FNIP1: variants seen among roughly 807,000 people sequenced by gnomAD.
FNIP1 encodes folliculin-interacting protein 1.
A neutral mutation model predicts 124.5 loss-of-function variants in FNIP1; 40 were observed. The ratio of observed to expected loss-of-function variants is 0.32; its 90% confidence interval spans 0.25 to 0.42. The LOEUF is 0.42. Among genes scored for constraint, FNIP1 ranks in the 10% least tolerant of loss-of-function variants. The pLI, the probability that FNIP1 is intolerant of heterozygous loss-of-function variation, is 1.00. For synonymous variants in FNIP1, 472 were observed against 470.6 expected (o/e 1.00, Z -0.04); for missense variants, 1,176 against 1,403.7 (o/e 0.84, Z 2.59).
intron 15 of FNIP1, among the ~76,000 whole-genome samples, chr5:131,660,948 A>G (rs1420062859): frequency 1.3e-5 from 2 of 151,910 alleles, no homozygotes; most frequent in Non-Finnish European, 1.5e-5. Context: ...TGTTCCTGTA[A>G]AGACATCTCT....
chr5:131,691,010 T>C (rs750653240), intron 11 of FNIP1, among the ~76,000 whole-genome samples: 2 of 152,212 alleles, frequency 1.3e-5, no homozygotes, highest in Admixed American at 6.5e-5. Flanking sequence ...CAACTGAATC[T>C]AATTAACATT....
chr5:131,720,518 C>T (rs1219561336), intron 3 of FNIP1, among the ~76,000 whole-genome samples: 2 of 152,028 alleles, frequency 1.3e-5, no homozygotes. Flanking sequence ...TAAAATGTTT[C>T]TGCACAGCAA....
At chr5:131,775,045 C>A (rs921488644) in intron 1 of FNIP1, among the ~76,000 whole-genome samples, 3 of 152,158 alleles carry the variant, frequency 2.0e-5, no homozygotes, top group Admixed American at 6.6e-5. Context: ...TGGATTTGAT[C>A]CAAGCAAGTT....
At chr5:131,775,458 T>C (rs1262867852) in intron 1 of FNIP1, among the ~76,000 whole-genome samples, 2 of 56,756 alleles carry the variant, frequency 3.5e-5, no homozygotes, top group African/African-American at 7.4e-5. Flanking sequence ...AAATAAAATA[T>C]GTATCATCTA....
chr5:131,766,982 G>C (rs141327214), intron 1 of FNIP1, among the ~76,000 whole-genome samples: 2 of 152,154 alleles, frequency 1.3e-5, no homozygotes, highest in East Asian at 3.9e-4. Context: ...ATCTCCTCGG[G>C]AAACACTCTT....
At position 131,730,882 on chromosome 5, in the gene FNIP1, TAAATG is replaced by T; in HGVS notation, c.354+17_354+21del. The T allele has an allele frequency of 6.4e-7, 1 of 1,567,252 alleles. No individual in the cohort carries two copies. The highest frequency in any genetic ancestry group is 8.7e-7 in the Non-Finnish European group (1 of 1,153,944). ...AACTAATTATAAATGAATGAATAAA[TAAATG>T]ACATCAATGATCTTACCTGGTACTT... On this transcript the variant is annotated intron_variant, in intron 3 of 17. Coordinates refer to ENST00000510461, the MANE Select transcript of FNIP1 (RefSeq NM_133372.3).
At chr5:131,699,450 A>G (rs976002145) in intron 10 of FNIP1, among the ~76,000 whole-genome samples, 8 of 149,896 alleles carry the variant, frequency 5.3e-5, no homozygotes, top group African/African-American at 2.0e-4. Context: ...CTGGAGTGCA[A>G]TGGCGCGATC....
At chr5:131,650,663 A>T (rs1240757065) in intron 16 of FNIP1, among the ~76,000 whole-genome samples, 1 of 152,216 alleles carries the variant, frequency 6.6e-6, no homozygotes, top group East Asian at 1.9e-4. Context: ...GTTGAACAGA[A>T]GTAGGGAAAG....
chr5:131,786,532 T>A (rs560416459), intron 1 of FNIP1, among the ~76,000 whole-genome samples: 1 of 152,236 alleles, frequency 6.6e-6, no homozygotes, highest in East Asian at 1.9e-4. Context: ...CAAACTAAAA[T>A]GAAGGCTGGA....
Position 131,672,790 on chromosome 5 carries a change from G to A in FNIP1, c.1654C>T (p.His552Tyr). 1 of 1,613,676 alleles carries A rather than the reference G, an allele frequency of 6.2e-7. No individual in the cohort carries two copies. Among genetic ancestry groups the A allele is most frequent in the Non-Finnish European group, 8.5e-7 (1 of 1,179,912 alleles). The part of the protein sequence containing the change: ...FIRCSELQET[H>Y]LLENGEDEAI... ...TCATCTTCTCCATTTTCTAAAAGAT[G>A]CGTTTCTTGAAGTTCAGAGCATCTT... Residue 552 changes from histidine to tyrosine, a missense_variant, in exon 14 of 18, where the codon CAT becomes TAT. Coordinates refer to ENST00000510461, the MANE Select transcript of FNIP1 (RefSeq NM_133372.3).
chr5:131,689,666 T>C (rs986331604), intron 11 of FNIP1, among the ~76,000 whole-genome samples: 2 of 152,068 alleles, frequency 1.3e-5, no homozygotes, highest in Admixed American at 1.3e-4. Flanking sequence ...TTTTAAGAAA[T>C]ATAAATGACA....
intron 15 of FNIP1, among the ~76,000 whole-genome samples, chr5:131,653,195 C>T (rs573643603): frequency 9.2e-5 from 14 of 151,624 alleles, no homozygotes; most frequent in African/African-American, 3.4e-4. Context: ...AAATGGGACA[C>T]ATCAAAATAT....
intron 1 of FNIP1, among the ~76,000 whole-genome samples, chr5:131,778,449 T>C (rs998955361): frequency 5.3e-5 from 8 of 150,488 alleles, no homozygotes; most frequent in Non-Finnish European, 8.9e-5. Context: ...CTATGAGATA[T>C]CATCTCACAC....
chr5:131,690,946 T>C (rs1426521424), intron 11 of FNIP1, among the ~76,000 whole-genome samples: 3 of 152,198 alleles, frequency 2.0e-5, no homozygotes, highest in African/African-American at 2.4e-5. Flanking sequence ...AAATGACGTA[T>C]CCATCAGGCG....
chr5:131,683,954 T>C (rs1217874829), intron 11 of FNIP1, among the ~76,000 whole-genome samples: 2 of 152,204 alleles, frequency 1.3e-5, no homozygotes, highest in Non-Finnish European at 2.9e-5. Context: ...TTTGATGCTG[T>C]TGATTCATTA....
At chr5:131,746,318 T>C (rs941659854) in intron 1 of FNIP1, among the ~76,000 whole-genome samples, 4 of 152,180 alleles carry the variant, frequency 2.6e-5, no homozygotes, top group African/African-American at 9.7e-5. Flanking sequence ...TGGTGCAAGT[T>C]ACATGCATAT....
chr5:131,729,549 T>C (rs1770005261), intron 3 of FNIP1, among the ~76,000 whole-genome samples: 1 of 152,178 alleles, frequency 6.6e-6, no homozygotes, highest in Admixed American at 6.5e-5. Context: ...ACCGAAGCTG[T>C]TCCTATTTGG....
rs1430003183 is a variant in FNIP1, at chr5:131,657,748, A to AAC, written c.3109-5750_3109-5749insGT. On this transcript the variant is annotated intron_variant, in intron 15 of 17. Transcript: ENST00000510461. ...CTTGAAAATAAGGCAAAAAAAAAAAAAAAAAAAAAACGGTGGGTGAAGGCT... is the reference window on the plus strand; with the variant it reads ...CTTGAAAATAAGGCAAAAAAAAAAAAACAAAAAAAAAACGGTGGGTGAAGGCT... 3.3e-5 allele frequency among the ~76,000 whole-genome samples: 5 copies of AAC among 150,980 alleles called. No individual in the cohort carries two copies. The South Asian group carries it at 1.0e-3, about 31-fold the overall frequency.
chr5:131,726,888 G>T (rs1769895131), intron 3 of FNIP1, among the ~76,000 whole-genome samples: 1 of 151,916 alleles, frequency 6.6e-6, no homozygotes, highest in Admixed American at 6.6e-5. Context: ...ATTTATTTCT[G>T]CCTTCAGTTT....
Sources: allele counts gnomAD v4.1 joint callset (sites outside exome capture counted in the v4.1 genomes callset), GRCh38; gene constraint gnomAD v4.1.1; transcripts MANE v1.5; gene names NCBI Gene and HGNC (gene_info 2026-07-23, HGNC 2026-07-21).